Variants in ABCD4 observed in about 807,000 individuals in gnomAD.
ABCD4 encodes lysosomal cobalamin transporter ABCD4.
ABCD4 carries 53 observed loss-of-function variants against 86.3 expected under a neutral mutation model. The observed-to-expected ratio is 0.61, with a 90% CI of 0.49 to 0.77. The LOEUF is 0.77. ABCD4 is among the 30% of genes least tolerant of loss of function. The pLI is 0.00. For synonymous variants in ABCD4, 328 were observed against 313.6 expected (o/e 1.05, Z -0.49); for missense variants, 757 against 764.5 (o/e 0.99, Z 0.12).
intron 1 of ABCD4, among the ~76,000 whole-genome samples, chr14:74,302,507 G>A (rs2084914602): frequency 1.3e-5 from 2 of 152,220 alleles, no homozygotes; most frequent in South Asian, 4.1e-4. Context: ...ACGAAGAGAG[G>A]AAGTGATAAA....
rs367884199 is a variant in ABCD4 at position 74,295,918 on chromosome 14, T to G, written c.604A>C (p.Lys202Gln). The stretch of plus-strand genomic sequence containing the variant: ...ATCACAATGGGGCCCATCAAAGTTT[T>G]GTTCACCACGGTCCCCAGGATGAAA... ...GYFILGTVVN[K>Q]TLMGPIVMKL... The change falls in exon 6 of 19, where the codon AAA (lysine) becomes CAA (glutamine). Residue 202 changes from lysine to glutamine, a missense_variant. By Grantham distance (53) the Lys-to-Gln change is moderately conservative (BLOSUM62 1). Coordinates refer to ENST00000356924, the MANE Select transcript of ABCD4 (RefSeq NM_005050.4). 1.9e-6 allele frequency: 3 copies of G among 1,613,098 alleles called. No homozygotes were observed. Among genetic ancestry groups the G allele is most frequent in the African/African-American group, 2.7e-5 (2 of 74,860 alleles).
chr14:74,302,020 G>A (rs994467749), intron 1 of ABCD4, among the ~76,000 whole-genome samples: 4 of 145,456 alleles, frequency 2.7e-5, no homozygotes, highest in Admixed American at 2.7e-4. Context: ...CCGGGAAACA[G>A]GAAGCTTTAT....
intron 11 of ABCD4, among the ~76,000 whole-genome samples, chr14:74,291,231 C>T (rs1342765009): frequency 6.6e-6 from 1 of 152,146 alleles, no homozygotes; most frequent in Non-Finnish European, 1.5e-5. Context: ...TTAAGCCAGC[C>T]GGTTTGTGGT....
chr14:74,288,820 T>C, intron 14 of ABCD4, 55 bp from the exon 15 acceptor site: 6 of 1,596,774 alleles, frequency 3.8e-6, no homozygotes, highest in Non-Finnish European at 5.1e-6. Context: ...CTGGTCAAAA[T>C]AGACAGGGCA....
In ABCD4 at chr14:74,301,517, C is replaced by T. The variant is rs143411879; in HGVS notation, c.39-1249G>A. Reference sequence around the variant, plus strand: ...GCAAGCCAGGAACATAGGAAATCCACAGAGAAGTGGGAAGGGATATAAACA... The same window carrying T: ...GCAAGCCAGGAACATAGGAAATCCATAGAGAAGTGGGAAGGGATATAAACA... On this transcript the variant is annotated intron_variant, in intron 1 of 18. Transcript: ENST00000356924. Among the ~76,000 whole-genome samples the T allele has an allele frequency of 8.1e-3, 1,229 of 152,202 alleles. 9 individuals carry two copies. Among genetic ancestry groups the T allele is most frequent in the African/African-American group, 0.028 (1,166 of 41,510 alleles).
At position 74,286,697 on chromosome 14, in the gene ABCD4, G is replaced by C; in HGVS notation, c.1752+4C>G. ...CCTCAGGCCATCCTTGTGAGCACGG[G>C]TACCTTCTCAAGGCTCTGCCGATGT... On this transcript the variant is annotated splice_donor_region_variant and intron_variant, in intron 18 of 18. Transcript: ENST00000356924. The C allele has an allele frequency of 6.2e-7, 1 of 1,614,024 alleles. No individual in the cohort carries two copies. Among genetic ancestry groups the C allele is most frequent in the Non-Finnish European group, 8.5e-7 (1 of 1,180,032 alleles).
rs907218862 is a variant in ABCD4, at chr14:74,286,276, T to C, written c.*185A>G. 1.6e-6 allele frequency: 1 copy of C among 607,626 alleles called. No individual in the cohort carries two copies. The allele number at this position is 607,626 out of a possible 1,614,324, so 37.6% of individuals were successfully genotyped here. A position where few individuals can be genotyped will look rare whatever the true frequency, so the allele number is the denominator to read the frequency against. On this transcript the variant is annotated 3_prime_UTR_variant, in exon 19 of 19. Coordinates refer to ENST00000356924, the MANE Select transcript of ABCD4 (RefSeq NM_005050.4). ...AGACTGAACACTGGGAGATTCAGTG[T>C]CCCCCACAGAAACCTAGACCTGGGC...
rs1182013687 is a variant in ABCD4 at position 74,288,234 on chromosome 14, C to G, written c.1532G>C (p.Gly511Ala). 3.1e-6 allele frequency: 5 copies of G among 1,611,724 alleles called. No homozygotes were observed. The highest frequency in any genetic ancestry group is 4.2e-6 in the Non-Finnish European group (5 of 1,179,304). Residue 511 changes from glycine (G) to alanine (A), a missense_variant, in exon 16 of 19, where the codon GGC (glycine) becomes GCC (alanine). Physicochemically the swap from Gly to Ala is moderately conservative, Grantham distance 60. Coordinates refer to ENST00000356924, the MANE Select transcript of ABCD4 (RefSeq NM_005050.4). The part of the protein sequence containing the change: ...GLSNLVARTE[G>A]LDQQVDWNWY... Reference sequence around the variant, plus strand: ...GTTCCAGTCCACCTGCTGGTCCAGGCCCTCTGTCCTTGCCACCAAGTTGGA... The same window carrying G: ...GTTCCAGTCCACCTGCTGGTCCAGGGCCTCTGTCCTTGCCACCAAGTTGGA...
chr14:74,302,899 C>A lies in ABCD4; in HGVS notation c.14G>T (p.Gly5Val), dbSNP rs766542727. 4 of 1,607,622 alleles carry A rather than the reference C, an allele frequency of 2.5e-6. No individual in the cohort carries two copies. The Admixed American group carries it at 5.1e-5, about 20-fold the overall frequency. ...CCTGGCGCCAGCTCCGGGCGCGGGCCCCGCGACCGCCATGACCTGAGACCC... is the reference window on the plus strand; with the variant it reads ...CCTGGCGCCAGCTCCGGGCGCGGGCACCGCGACCGCCATGACCTGAGACCC... MAVA[G>V]PAPGAGARPR... The change falls in exon 1 of 19, where the codon GGG becomes GTG. Residue 5 changes from glycine to valine, a missense_variant. Coordinates refer to ENST00000356924, the MANE Select transcript of ABCD4 (RefSeq NM_005050.4).
At position 74,293,322 on chromosome 14, in the gene ABCD4, C is replaced by T. The variant is rs765565378; in HGVS notation, c.720-74G>A. On this transcript the variant is annotated intron_variant, in intron 7 of 18. Coordinates refer to ENST00000356924, the MANE Select transcript of ABCD4 (RefSeq NM_005050.4). ...GGTTGGGGGGCCGCCTGTCCCATAT[C>T]ACACCCTCCTTTAGAAACCAAGGCC... is the stretch of plus-strand genomic sequence containing the variant. 88 of 1,372,366 alleles carry T rather than the reference C, an allele frequency of 6.4e-5. No individual in the cohort carries two copies. The East Asian group carries it at 1.9e-3, about 30-fold the overall frequency. 85.0% of individuals were successfully genotyped at this position (1,372,366 alleles called of 1,614,324 possible). A position where few individuals can be genotyped will look rare whatever the true frequency, so the allele number is the denominator to read the frequency against.
At chr14:74,301,724 C>A (rs1452548971) in intron 1 of ABCD4, among the ~76,000 whole-genome samples, 1 of 151,436 alleles carries the variant, frequency 6.6e-6, no homozygotes, top group Non-Finnish European at 1.5e-5. Context: ...CTGGCCAACC[C>A]CCCCATCTTT....
At chr14:74,302,014 G>A (rs1289635717) in intron 1 of ABCD4, among the ~76,000 whole-genome samples, 1 of 151,962 alleles carries the variant, frequency 6.6e-6, no homozygotes, top group Non-Finnish European at 1.5e-5. Flanking sequence ...GGGATACCGG[G>A]AAACAGGAAG....
At chr14:74,295,681 C>A in intron 6 of ABCD4, 173 bp downstream of exon 6, 1 of 814,370 alleles carries the variant, frequency 1.2e-6, no homozygotes, top group Non-Finnish European at 1.9e-6. Context: ...GGCAACGGTA[C>A]CATTTCCACT....
chr14:74,293,296 A>G lies in ABCD4; in HGVS notation c.720-48T>C, dbSNP rs780150463. 9 of 1,574,706 alleles carry G rather than the reference A, an allele frequency of 5.7e-6. No individual in the cohort carries two copies. The East Asian group carries it at 1.6e-4, about 28-fold the overall frequency. On this transcript the variant is annotated intron_variant, in intron 7 of 18. Coordinates refer to ENST00000356924, the MANE Select transcript of ABCD4 (RefSeq NM_005050.4). ...TCCACAGGGCTGGAGAGGTTCAGCC[A>G]GGTTGGGGGGCCGCCTGTCCCATAT...
chr14:74,291,243 T>A (rs1399165466), intron 11 of ABCD4, among the ~76,000 whole-genome samples: 2 of 152,206 alleles, frequency 1.3e-5, no homozygotes, highest in Admixed American at 1.3e-4. Flanking sequence ...GTTTGTGGTT[T>A]TCTGTCATGG....
At position 74,299,099 on chromosome 14, in the gene ABCD4, C is replaced by T. The variant is rs2301348; in HGVS notation, c.285+449G>A. On this transcript the variant is annotated intron_variant, in intron 3 of 18. Transcript: ENST00000356924. Reference sequence around the variant, plus strand: ...ACGAAGAGTGAGCAGGTGGTAGCCCCCCTACTGAATGAGGGGTAGGGGAGG... The same window carrying T: ...ACGAAGAGTGAGCAGGTGGTAGCCCTCCTACTGAATGAGGGGTAGGGGAGG... 169 of 157,446 alleles carry T rather than the reference C, an allele frequency of 1.1e-3. 1 individual carries two copies. The highest frequency in any genetic ancestry group is 4.4e-3 in the East Asian group (23 of 5,226). 9.8% of individuals were successfully genotyped at this position (157,446 alleles called of 1,614,324 possible). A position where few individuals can be genotyped will look rare whatever the true frequency, so the allele number is the denominator to read the frequency against.
intron 11 of ABCD4, 71 bp downstream of exon 11, chr14:74,292,216 C>T (rs1566950442): frequency 2.7e-6 from 4 of 1,482,904 alleles, no homozygotes; most frequent in Non-Finnish European, 3.8e-6. Context: ...GGGCAGGACT[C>T]CAGGGTAACC....
At chr14:74,295,320 C>T in intron 6 of ABCD4, 122 bp from the exon 7 acceptor site, 1 of 1,116,456 alleles carries the variant, frequency 9.0e-7, no homozygotes, top group East Asian at 2.5e-5. Context: ...CCGTGGCTGC[C>T]TCAGTCTGAC....
intron 16 of ABCD4, 23 bp downstream of exon 16, chr14:74,288,184 G>C (rs377143807): frequency 6.8e-6 from 11 of 1,611,358 alleles, no homozygotes; most frequent in Non-Finnish European, 9.3e-6. Flanking sequence ...GCTATCTCTG[G>C]AGCACCCAAG....
Sources: allele counts gnomAD v4.1 joint callset (sites outside exome capture counted in the v4.1 genomes callset), GRCh38; gene constraint gnomAD v4.1.1; transcripts MANE v1.5; gene names NCBI Gene and HGNC (gene_info 2026-07-23, HGNC 2026-07-21).